The following CLASP2 variants were observed in gnomAD, a reference collection of about 807,000 sequenced individuals.
CLASP2 encodes cytoplasmic linker associated protein 2, also known as CLIP-associating protein 2.
CLASP2 carries 47 observed loss-of-function variants against 194.4 expected under a neutral mutation model. That is an observed-to-expected ratio of 0.24 (90% confidence interval 0.19 to 0.31). CLASP2 has a LOEUF of 0.31. Ranked by LOEUF, CLASP2 falls within the 10% of genes least tolerant of loss-of-function variation. The pLI is 1.00. For missense variants in CLASP2, 1,445 were observed against 1,823.6 expected, an observed-to-expected ratio of 0.79 and a Z score of 3.78; for synonymous variants, 619 against 633.5, an observed-to-expected ratio of 0.98 and a Z score of 0.34.
intron 29 of CLASP2, 158 bp downstream of exon 29, chr3:33,559,149 C>A (rs1301695424): frequency 1.4e-6 from 1 of 698,362 alleles, no homozygotes; most frequent in Admixed American, 2.0e-5. Context: ...AAGAGTGAAG[C>A]TGGTCCCGAA....
Position 33,535,739 on chromosome 3 carries a change from C to A in CLASP2, c.3559-278G>T, listed in dbSNP as rs12630868. Among the ~76,000 whole-genome samples the A allele has an allele frequency of 3.2e-4, 49 of 152,126 alleles. 1 individual carries two copies. In the East Asian group the frequency reaches 9.1e-3, roughly 28 times the overall value. ...TACAGTTCCCTTGCAAACAACTTGA[C>A]CAGACAATATGTACAGTGTGATTAC... On this transcript the variant is annotated intron_variant, in intron 33 of 38. Coordinates refer to ENST00000682230, the MANE Select transcript of CLASP2 (RefSeq NM_001365631.1).
rs537084101 is a variant in CLASP2, at chr3:33,573,325, T to C, written c.2484A>G (p.Ser828=). The change falls in exon 25 of 39, where the codon TCA becomes TCG. Residue 828 remains serine (S), a synonymous_variant. Transcript: ENST00000682230. Reference sequence around the variant, plus strand: ...CGTCATCATCTGAATGCATTCCATATGATTCATATCTTCTTCGAGCTGGTT... The same window carrying C: ...CGTCATCATCTGAATGCATTCCATACGATTCATATCTTCTTCGAGCTGGTT... ...LKKPARRRYE[S]YGMHSDDDAN... 4 of 1,613,822 alleles carry C rather than the reference T, an allele frequency of 2.5e-6. No homozygotes were observed. The East Asian group carries it at 6.7e-5, about 27-fold the overall frequency.
At chr3:33,714,225 A>G (rs909341746) in intron 1 of CLASP2, among the ~76,000 whole-genome samples, 1 of 152,230 alleles carries the variant, frequency 6.6e-6, no homozygotes, top group African/African-American at 2.4e-5. Flanking sequence ...TTTTATTGCC[A>G]TAATGCCATT....
chr3:33,636,527 G>T (rs1248096792), intron 8 of CLASP2, among the ~76,000 whole-genome samples: 1 of 152,058 alleles, frequency 6.6e-6, no homozygotes, highest in Non-Finnish European at 1.5e-5. Flanking sequence ...AAAGAAAGAT[G>T]AATGAGAATA....
At chr3:33,584,136 C>A (rs1033575357) in intron 22 of CLASP2, among the ~76,000 whole-genome samples, 1 of 151,984 alleles carries the variant, frequency 6.6e-6, no homozygotes, top group Admixed American at 6.6e-5. Flanking sequence ...AACTATAACA[C>A]GAATGTCAAA....
intron 7 of CLASP2, among the ~76,000 whole-genome samples, chr3:33,657,127 T>C (rs1353435022): frequency 2.0e-5 from 3 of 152,038 alleles, no homozygotes; most frequent in Admixed American, 2.0e-4. Context: ...TGTAAGTTCG[T>C]AAATAAACAA....
chr3:33,612,103 T>C, intron 12 of CLASP2, 32 bp from the exon 13 acceptor site: 2 of 1,329,858 alleles, frequency 1.5e-6, no homozygotes, highest in Middle Eastern at 3.6e-4. Flanking sequence ...AGGTTGAAAA[T>C]ACTACACACT....
At chr3:33,664,354 T>C (rs1241685659) in intron 6 of CLASP2, among the ~76,000 whole-genome samples, 2 of 152,134 alleles carry the variant, frequency 1.3e-5, no homozygotes, top group African/African-American at 2.4e-5. Context: ...ACTTAGAGAA[T>C]TGAGGAAGAG....
chr3:33,696,305 C>T (rs1477528322), intron 2 of CLASP2, among the ~76,000 whole-genome samples: 4 of 143,036 alleles, frequency 2.8e-5, no homozygotes, highest in Non-Finnish European at 4.5e-5. Context: ...CAAATTGTGG[C>T]ATTTCACAAA....
chr3:33,653,514 T>C (rs2083583900), intron 7 of CLASP2, among the ~76,000 whole-genome samples: 1 of 152,126 alleles, frequency 6.6e-6, no homozygotes, highest in African/African-American at 2.4e-5. Flanking sequence ...TTTCTTCAAA[T>C]ACTGATTCAA....
intron 29 of CLASP2, chr3:33,554,624 A>G (rs1455294575): frequency 6.6e-6 from 1 of 152,334 alleles, no homozygotes; most frequent in African/African-American, 2.4e-5. Context: ...GCTATCAAGG[A>G]CAGTAACTAC....
At chr3:33,629,734 C>A (rs1436799669) in intron 9 of CLASP2, among the ~76,000 whole-genome samples, 4 of 151,122 alleles carry the variant, frequency 2.6e-5, no homozygotes, top group African/African-American at 9.7e-5. Context: ...TTGGGAATAT[C>A]CACAGTTGTA....
chr3:33,693,135 T>C (rs567823453), intron 2 of CLASP2, among the ~76,000 whole-genome samples: 1 of 152,186 alleles, frequency 6.6e-6, no homozygotes, highest in Admixed American at 6.5e-5. Context: ...CCACAATATA[T>C]GTGGTCACAA....
At chr3:33,521,375 A>G (rs1259116906) in intron 34 of CLASP2, among the ~76,000 whole-genome samples, 1 of 152,218 alleles carries the variant, frequency 6.6e-6, no homozygotes, top group East Asian at 1.9e-4. Context: ...ACCATAATCA[A>G]GAGATCAAAG....
At chr3:33,560,725 C>G (rs752388958) in intron 28 of CLASP2, 83 bp downstream of exon 28, 1 of 1,215,220 alleles carries the variant, frequency 8.2e-7, no homozygotes, top group South Asian at 1.4e-5. Context: ...TCAAAGGGAC[C>G]CAGAAATCTG....
intron 7 of CLASP2, among the ~76,000 whole-genome samples, chr3:33,649,018 C>G (rs1026628517): frequency 2.6e-5 from 4 of 152,212 alleles, no homozygotes; most frequent in Non-Finnish European, 5.9e-5. Context: ...ACTCTAAGAT[C>G]TTAACGGTCA....
intron 27 of CLASP2, among the ~76,000 whole-genome samples, chr3:33,565,928 G>A (rs1454390852): frequency 6.6e-6 from 1 of 152,012 alleles, no homozygotes; most frequent in African/African-American, 2.4e-5. Context: ...GTTATGTTTT[G>A]GGGAGTTAAA....
intron 5 of CLASP2, among the ~76,000 whole-genome samples, chr3:33,686,260 A>G (rs1040168091): frequency 1.3e-5 from 2 of 152,178 alleles, no homozygotes; most frequent in Admixed American, 6.5e-5. Flanking sequence ...GAACCAGAAC[A>G]CATCCCTGTA....
intron 32 of CLASP2, among the ~76,000 whole-genome samples, chr3:33,540,979 G>T (rs931824525): frequency 6.6e-6 from 1 of 151,816 alleles, no homozygotes; most frequent in Non-Finnish European, 1.5e-5. Flanking sequence ...TGCCATGTTG[G>T]TCAGGCTGGT....
Sources: gnomAD v4.1 joint callset for allele counts (sites outside exome capture counted in the v4.1 genomes callset) on GRCh38, gnomAD v4.1.1 for gene constraint, MANE v1.5 for transcripts, NCBI Gene and HGNC (gene_info 2026-07-23, HGNC 2026-07-21) for gene names.